The following ALG9 variants were observed in gnomAD, a reference collection of about 807,000 sequenced individuals.
ALG9 encodes the protein alpha-1,2-mannosyltransferase ALG9.
In ALG9, 55 loss-of-function variants were observed where a neutral mutation model predicts 81.8. That is an observed-to-expected ratio of 0.67 (90% CI 0.54 to 0.84). The LOEUF is 0.84. Ranked by LOEUF, ALG9 falls within the 40% of genes least tolerant of loss-of-function variation. The pLI is 0.00. For missense variants in ALG9, 629 were observed against 745.0 expected, an observed-to-expected ratio of 0.84 and a Z score of 1.81; for synonymous variants, 278 against 274.3, an observed-to-expected ratio of 1.01 and a Z score of -0.13.
At chr11:111,857,858 T>C (rs964659162) in intron 5 of ALG9, 121 bp from the exon 6 acceptor site, 6 of 1,114,808 alleles carry the variant, frequency 5.4e-6, no homozygotes, top group South Asian at 2.7e-5. Context: ...AGGTACATAA[T>C]TGGGGAAATG....
intron 13 of ALG9, among the ~76,000 whole-genome samples, chr11:111,817,729 T>C (rs146874761): frequency 7.2e-5 from 11 of 151,782 alleles, no homozygotes; most frequent in African/African-American, 2.2e-4. Flanking sequence ...GATATTTCTA[T>C]GGCAGTGGGA....
At chr11:111,780,913 C>T (rs2136151500), downstream of ALG9, among the ~76,000 whole-genome samples, 1 of 152,200 alleles carries the variant, frequency 6.6e-6, no homozygotes. Context: ...GACAGGGTCG[C>T]ATGGTTTATA....
chr11:111,822,099 G>T lies in ALG9; in HGVS notation c.1603-12326C>A, dbSNP rs181184625. On this transcript the variant is annotated intron_variant, in intron 13 of 14. Coordinates refer to ENST00000616540, the MANE Select transcript of ALG9 (RefSeq NM_024740.2). ...CTAATGCTCCAAAATGACAGCAATA[G>T]AAAAACAGACTATAATAATGCTCTG... is the stretch of plus-strand genomic sequence containing the variant. Among the ~76,000 whole-genome samples the T allele has an allele frequency of 4.4e-4, 67 of 152,240 alleles. No homozygotes were observed. In the East Asian group the frequency reaches 0.011, roughly 25 times the overall value.
chr11:111,810,387 T>C (rs1248480988), intron 13 of ALG9, among the ~76,000 whole-genome samples: 3 of 151,916 alleles, frequency 2.0e-5, no homozygotes, highest in African/African-American at 7.3e-5. Flanking sequence ...AAAAACAGAG[T>C]CAGCCAGTTG....
chr11:111,849,903 T>C (rs985210217), intron 8 of ALG9: 6 of 152,234 alleles, frequency 3.9e-5, no homozygotes, highest in Non-Finnish European at 7.3e-5. Flanking sequence ...ACATAGCTAA[T>C]GAGGCACCTG....
At chr11:111,816,125 T>C (rs1298938263) in intron 13 of ALG9, among the ~76,000 whole-genome samples, 2 of 152,228 alleles carry the variant, frequency 1.3e-5, no homozygotes, top group African/African-American at 4.8e-5. Context: ...TTGGGCACTA[T>C]GATTTTACAC....
At chr11:111,779,822 T>C (rs1165867691), downstream of ALG9, among the ~76,000 whole-genome samples, 2 of 152,240 alleles carry the variant, frequency 1.3e-5, no homozygotes, top group African/African-American at 4.8e-5. Flanking sequence ...AACCCAATTG[T>C]TAATTTTAAC....
intron 1 of ALG9, 37 bp from the exon 2 acceptor site, chr11:111,870,407 A>C: frequency 2.8e-6 from 4 of 1,451,510 alleles, no homozygotes; most frequent in Non-Finnish European, 2.8e-6. Flanking sequence ...AAAAAAAAGC[A>C]TGTCAGGAAG....
chr11:111,805,966 C>T (rs1555084868), intron 14 of ALG9, among the ~76,000 whole-genome samples: 1 of 152,156 alleles, frequency 6.6e-6, no homozygotes. Flanking sequence ...AAGCAATTCT[C>T]ATGTCTCAGC....
In ALG9 at chr11:111,786,308, A is replaced by T. The variant is rs1555063498; in HGVS notation, c.*89T>A. On this transcript the variant is annotated 3_prime_UTR_variant, in exon 15 of 15. Transcript: ENST00000616540. Reference sequence around the variant, plus strand: ...ATTCATGTCAGAAGACCTTTATTACAAATGTTACAGGCGATGACTTGCAGG... The same window carrying T: ...ATTCATGTCAGAAGACCTTTATTACTAATGTTACAGGCGATGACTTGCAGG... 1 of 1,588,562 alleles carries T rather than the reference A, an allele frequency of 6.3e-7. No homozygotes were observed. The highest frequency in any genetic ancestry group is 1.3e-5 in the African/African-American group (1 of 74,292).
chr11:111,827,342 G>A (rs1231471358), intron 13 of ALG9, among the ~76,000 whole-genome samples: 1 of 152,088 alleles, frequency 6.6e-6, no homozygotes, highest in Non-Finnish European at 1.5e-5. Context: ...CAGGCGGGGT[G>A]GCGCATGCCT....
At chr11:111,798,897 G>A (rs979174662) in intron 14 of ALG9, among the ~76,000 whole-genome samples, 4 of 152,176 alleles carry the variant, frequency 2.6e-5, no homozygotes, top group Non-Finnish European at 5.9e-5. Context: ...CAGCCAATTA[G>A]GAAAAGAAGT....
In ALG9 at chr11:111,785,643, C is replaced by T. The variant is rs1309655167; in HGVS notation, c.*754G>A. 5.7e-6 allele frequency: 1 copy of T among 173,942 alleles called. No homozygotes were observed. The highest frequency in any genetic ancestry group is 5.6e-5 in the Admixed American group (1 of 17,812). The allele number at this position is 173,942 out of a possible 1,614,324, so 10.8% of individuals were successfully genotyped here. A position where few individuals can be genotyped will look rare whatever the true frequency, so the allele number is the denominator to read the frequency against. The stretch of plus-strand genomic sequence containing the variant: ...GTAGTTTTGTCTGTTGATATCTTCA[C>T]ATGGAGGAGTCTAGAATTCAAAAAA... On this transcript the variant is annotated 3_prime_UTR_variant, in exon 15 of 15. Transcript: ENST00000616540.
intron 14 of ALG9, among the ~76,000 whole-genome samples, chr11:111,798,580 A>G (rs1373340561): frequency 1.3e-5 from 2 of 152,204 alleles, no homozygotes; most frequent in African/African-American, 4.8e-5. Flanking sequence ...TAACAATTAT[A>G]TCATGCTTCA....
rs782542181 is a variant in ALG9 at position 111,786,419 on chromosome 11, A to ATTTGC, written c.1830_1834dup (p.Ile612SerfsTer25). 5.0e-6 allele frequency: 8 copies of ATTTGC among 1,613,836 alleles called. No individual in the cohort carries two copies. In the South Asian group the frequency reaches 8.8e-5, roughly 18 times the overall value. On this transcript the variant is annotated frameshift_variant, in exon 15 of 15. Coordinates refer to ENST00000616540, the MANE Select transcript of ALG9 (RefSeq NM_024740.2). LOFTEE classifies it high-confidence loss of function. Reference sequence around the variant, plus strand: ...TTGCTAACCTCCACTTTTCTTCCTGATTTGCTTTGCTTTCCGGGGTTTGAG... The same window carrying ATTTGC: ...TTGCTAACCTCCACTTTTCTTCCTGATTTGCTTTGCTTTGCTTTCCGGGGTTTGAG...
At chr11:111,789,638 G>C (rs1474342609) in intron 14 of ALG9, among the ~76,000 whole-genome samples, 1 of 151,668 alleles carries the variant, frequency 6.6e-6, no homozygotes, top group Non-Finnish European at 1.5e-5. Flanking sequence ...TTCAAGACCA[G>C]CCTGGCCAAG....
At chr11:111,803,503 G>GAAAAAAAAA (rs57411573) in intron 14 of ALG9, among the ~76,000 whole-genome samples, 1 of 133,356 alleles carries the variant, frequency 7.5e-6, no homozygotes, top group Non-Finnish European at 1.6e-5. Context: ...TCCATCTCAG[G>GAAAAAAAAA]AAAAAAAAAA....
chr11:111,846,692 C>T (rs1376066182), intron 8 of ALG9, among the ~76,000 whole-genome samples: 1 of 152,160 alleles, frequency 6.6e-6, no homozygotes, highest in Non-Finnish European at 1.5e-5. Context: ...TGTCAACAGT[C>T]TTAAAAACAA....
chr11:111,866,778 C>T (rs1450879535), intron 3 of ALG9, among the ~76,000 whole-genome samples: 2 of 151,388 alleles, frequency 1.3e-5, no homozygotes, highest in African/African-American at 2.4e-5. Flanking sequence ...ATTATCTTTC[C>T]TTTGACAAGT....
Sources: gnomAD v4.1 joint callset for allele counts (sites outside exome capture counted in the v4.1 genomes callset) on GRCh38, gnomAD v4.1.1 for gene constraint, MANE v1.5 for transcripts, NCBI Gene and HGNC (gene_info 2026-07-23, HGNC 2026-07-21) for gene names.